Variants in CHRM3 observed in about 807,000 individuals in gnomAD.
CHRM3 encodes the protein muscarinic acetylcholine receptor M3.
A neutral mutation model predicts 41.8 loss-of-function variants in CHRM3; 11 were observed. That is an observed-to-expected ratio of 0.26 (90% CI 0.17 to 0.44). CHRM3 has a LOEUF of 0.44. CHRM3 is among the 20% of genes least tolerant of loss of function. The pLI is 1.00. For synonymous variants in CHRM3, 297 were observed against 301.4 expected (o/e 0.99, Z 0.15); for missense variants, 571 against 745.4 (o/e 0.77, Z 2.72).
intron 2 of CHRM3, among the ~76,000 whole-genome samples, chr1:239,503,366 A>C (rs545047918): frequency 6.6e-6 from 1 of 152,120 alleles, no homozygotes; most frequent in Non-Finnish European, 1.5e-5. Flanking sequence ...AGGAGGTGAA[A>C]GACCTCTACA....
chr1:239,884,831 C>T (rs567854034), intron 6 of CHRM3, among the ~76,000 whole-genome samples: 1 of 152,120 alleles, frequency 6.6e-6, no homozygotes, highest in Non-Finnish European at 1.5e-5. Flanking sequence ...TCCCTCAAAA[C>T]CTTAGGAGAC....
At chr1:239,851,781 A>G (rs569064798) in intron 6 of CHRM3, among the ~76,000 whole-genome samples, 1 of 152,264 alleles carries the variant, frequency 6.6e-6, no homozygotes, top group South Asian at 2.1e-4. Flanking sequence ...TCTTTTCCAT[A>G]AAGCTAGCAT....
chr1:239,789,546 C>T (rs1669175527), intron 5 of CHRM3, among the ~76,000 whole-genome samples: 1 of 152,136 alleles, frequency 6.6e-6, no homozygotes, highest in Non-Finnish European at 1.5e-5. Flanking sequence ...TGCTTCCACT[C>T]ATGGAGGAAG....
At chr1:239,663,474 C>T (rs1474372521) in intron 4 of CHRM3, among the ~76,000 whole-genome samples, 1 of 152,132 alleles carries the variant, frequency 6.6e-6, no homozygotes. Flanking sequence ...CATGCCGGTG[C>T]CCTCAGAGTC....
chr1:239,814,725 T>G (rs1257469491), intron 5 of CHRM3, among the ~76,000 whole-genome samples: 1 of 152,172 alleles, frequency 6.6e-6, no homozygotes, highest in Non-Finnish European at 1.5e-5. Context: ...TGACTCACGG[T>G]CAGGTCAGTG....
intron 6 of CHRM3, among the ~76,000 whole-genome samples, chr1:239,871,227 A>G (rs535968662): frequency 5.9e-5 from 9 of 152,250 alleles, no homozygotes; most frequent in Admixed American, 4.6e-4. Context: ...GGTATAGGGT[A>G]TAGGATTGCC....
chr1:239,679,653 G>A (rs533736601), intron 5 of CHRM3, among the ~76,000 whole-genome samples: 1 of 152,130 alleles, frequency 6.6e-6, no homozygotes, highest in East Asian at 1.9e-4. Context: ...AGAGATTAAT[G>A]TCCCTGATTT....
At chr1:239,454,065 A>G (rs1664753803) in intron 1 of CHRM3, among the ~76,000 whole-genome samples, 1 of 152,134 alleles carries the variant, frequency 6.6e-6, no homozygotes, top group South Asian at 2.1e-4. Context: ...CCAAGCACCA[A>G]GCAGTTCTCC....
At chr1:239,808,228 G>A (rs890710072) in intron 5 of CHRM3, among the ~76,000 whole-genome samples, 3 of 152,138 alleles carry the variant, frequency 2.0e-5, no homozygotes, top group African/African-American at 7.2e-5. Context: ...CGTAGCTGAA[G>A]TCAGATGTGC....
chr1:239,604,079 T>C (rs896721856), intron 3 of CHRM3, among the ~76,000 whole-genome samples: 1 of 152,182 alleles, frequency 6.6e-6, no homozygotes, highest in Admixed American at 6.5e-5. Context: ...AAAAGTTTCC[T>C]TGTGTAAATC....
chr1:239,577,428 T>A (rs980926287), intron 3 of CHRM3, among the ~76,000 whole-genome samples: 4 of 152,188 alleles, frequency 2.6e-5, no homozygotes, highest in Non-Finnish European at 5.9e-5. Flanking sequence ...ACGTAATGAC[T>A]GAAGTTCTCA....
In CHRM3 at chr1:239,909,338, C is replaced by A; in HGVS notation, c.*114C>A. 3.7e-6 allele frequency: 4 copies of A among 1,090,428 alleles called. No individual in the cohort carries two copies. Among genetic ancestry groups the A allele is most frequent in the Non-Finnish European group, 5.2e-6 (4 of 770,806 alleles). 67.5% of individuals were successfully genotyped at this position (1,090,428 alleles called of 1,614,324 possible). On this transcript the variant is annotated 3_prime_UTR_variant, in exon 7 of 7. Transcript: ENST00000676153. ...TGATGATAAAAATGGTTTTATCACC[C>A]AGATGTGAAAGAAGCTGCCTGTTTA...
In CHRM3 at chr1:239,748,371, C is replaced by T. The variant is rs540056598; in HGVS notation, c.-147+70083C>T. ...AATCTTATTGACACTTCTTTTTTAACTCTCAGACTGATCAATTTCCCATTA... is the reference window on the plus strand; with the variant it reads ...AATCTTATTGACACTTCTTTTTTAATTCTCAGACTGATCAATTTCCCATTA... On this transcript the variant is annotated intron_variant, in intron 5 of 6. Transcript: ENST00000676153. The surrounding 1 kb of genome is among the most constrained non-coding windows in gnomAD (Gnocchi z 4.3). 1.2e-3 allele frequency among the ~76,000 whole-genome samples: 178 copies of T among 152,244 alleles called. No homozygotes were observed. Among genetic ancestry groups the T allele is most frequent in the Non-Finnish European group, 1.8e-3 (122 of 68,022 alleles).
intron 5 of CHRM3, among the ~76,000 whole-genome samples, chr1:239,769,593 C>G (rs1361191006): frequency 6.6e-6 from 1 of 152,078 alleles, no homozygotes; most frequent in Admixed American, 6.6e-5. Flanking sequence ...CATTTTCCTC[C>G]TGTAGGTTTA....
chr1:239,552,372 C>T (rs1200067966), intron 3 of CHRM3, among the ~76,000 whole-genome samples: 1 of 144,706 alleles, frequency 6.9e-6, no homozygotes, highest in Non-Finnish European at 1.5e-5. Context: ...TGATATGTAT[C>T]ATATATATGT....
At chr1:239,752,150 G>A (rs1339067102) in intron 5 of CHRM3, among the ~76,000 whole-genome samples, 2 of 152,188 alleles carry the variant, frequency 1.3e-5, no homozygotes, top group African/African-American at 2.4e-5. Context: ...TATGCAAAAG[G>A]CAAAAGAATA....
chr1:239,594,719 C>A (rs1175969000), intron 3 of CHRM3, among the ~76,000 whole-genome samples: 1 of 152,186 alleles, frequency 6.6e-6, no homozygotes, highest in Non-Finnish European at 1.5e-5. Context: ...AAAAGAAAGT[C>A]TTTTAAGAAA....
rs5782104 is a variant in CHRM3, at chr1:239,836,973, TA to T, written c.-20+9611del. Among the ~76,000 whole-genome samples the T allele has an allele frequency of 5.3e-3, 717 of 135,250 alleles. 2 individuals carry two copies. Among genetic ancestry groups the T allele is most frequent in the Middle Eastern group, 0.011 (3 of 264 alleles). The allele number at this position is 135,250 out of a possible 152,430, so 88.7% of individuals were successfully genotyped here. A position where few individuals can be genotyped will look rare whatever the true frequency, so the allele number is the denominator to read the frequency against. On this transcript the variant is annotated intron_variant, in intron 6 of 6. Transcript: ENST00000676153. ...CTGGCAACAGAGCAAGACTCTGTCT[TA>T]AAAAAAAAAAAAAAAGATGGGTGAA...
chr1:239,774,297 A>C (rs1461486599), intron 5 of CHRM3, among the ~76,000 whole-genome samples: 1 of 152,134 alleles, frequency 6.6e-6, no homozygotes, highest in Non-Finnish European at 1.5e-5. Flanking sequence ...AGTTAGATAT[A>C]AATTGGGTAC....
Sources: allele counts gnomAD v4.1 joint callset (sites outside exome capture counted in the v4.1 genomes callset), GRCh38; gene constraint gnomAD v4.1.1; non-coding constraint Gnocchi (gnomAD v3.1); transcripts MANE v1.5; gene names NCBI Gene and HGNC (gene_info 2026-07-23, HGNC 2026-07-21).